The following GLMN variants were observed in gnomAD, a reference collection of about 807,000 sequenced individuals.
GLMN encodes glomulin, FKBP associated protein.
A neutral mutation model predicts 87.8 loss-of-function variants in GLMN; 75 were observed. The ratio of observed to expected loss-of-function variants is 0.85; its 90% CI spans 0.71 to 1.04. GLMN has a LOEUF of 1.04. Among genes scored for constraint, GLMN ranks in the 50% least tolerant of loss-of-function variants. The probability of loss-of-function intolerance (pLI) is 0.00; values close to 1 mark genes in which losing one functional copy is unlikely to be tolerated. For missense variants in GLMN, 588 were observed against 658.8 expected (o/e 0.89, Z 1.18); for synonymous variants, 206 against 221.6 (o/e 0.93, Z 0.63).
At chr1:92,355,791 G>A in the GLMN span, among the ~76,000 whole-genome samples, 1 of 152,136 alleles carries the variant, frequency 6.6e-6, no homozygotes, top group Non-Finnish European at 1.5e-5. Context: ...TCAGATTTTG[G>A]ATTTTTGGAT....
the GLMN span, among the ~76,000 whole-genome samples, chr1:92,312,892 G>A: frequency 1.3e-5 from 2 of 151,686 alleles, no homozygotes; most frequent in Non-Finnish European, 2.9e-5. Context: ...CGCGATCTTG[G>A]CTCACTACAA....
chr1:92,353,677 A>G, the GLMN span, among the ~76,000 whole-genome samples: 1 of 152,146 alleles, frequency 6.6e-6, no homozygotes, highest in Non-Finnish European at 1.5e-5. Context: ...GATATTTACT[A>G]TCCTATCACC....
the GLMN span, among the ~76,000 whole-genome samples, chr1:92,315,745 A>G: frequency 2.0e-5 from 3 of 152,216 alleles, no homozygotes; most frequent in African/African-American, 4.8e-5. Context: ...GGAGTCAGAA[A>G]GGGCCTTGGA....
the GLMN span, among the ~76,000 whole-genome samples, chr1:92,317,383 C>A: frequency 6.6e-6 from 1 of 151,906 alleles, no homozygotes; most frequent in Non-Finnish European, 1.5e-5. Context: ...TGGCGGGTGC[C>A]TGTAATCCCA....
At chr1:92,326,484 T>C in the GLMN span, among the ~76,000 whole-genome samples, 1 of 152,020 alleles carries the variant, frequency 6.6e-6, no homozygotes, top group South Asian at 2.1e-4. Context: ...GTTGTGGTAG[T>C]ATAGGGAGGA....
chr1:92,354,428 A>C, the GLMN span, among the ~76,000 whole-genome samples: 1 of 152,234 alleles, frequency 6.6e-6, no homozygotes, highest in African/African-American at 2.4e-5. Context: ...GATCTGTCAC[A>C]AACAGGAATT....
upstream of GLMN, among the ~76,000 whole-genome samples, chr1:92,303,250 G>A (rs1650986594): frequency 6.6e-6 from 1 of 152,148 alleles, no homozygotes; most frequent in African/African-American, 2.4e-5. Flanking sequence ...AACTGCATCA[G>A]AATCTGCATA....
chr1:92,276,436 C>T (rs1320684984), intron 7 of GLMN, among the ~76,000 whole-genome samples: 2 of 151,506 alleles, frequency 1.3e-5, no homozygotes, highest in East Asian at 2.0e-4. Flanking sequence ...CAAAGGCAGC[C>T]AGATCGCTTG....
the GLMN span, among the ~76,000 whole-genome samples, chr1:92,320,175 A>G: frequency 6.6e-6 from 1 of 152,148 alleles, no homozygotes; most frequent in South Asian, 2.1e-4. Context: ...GGGCTGGTGG[A>G]ATTTGAACTT....
chr1:92,259,983 C>G (rs1401969905), intron 16 of GLMN, among the ~76,000 whole-genome samples: 1 of 152,040 alleles, frequency 6.6e-6, no homozygotes, highest in Non-Finnish European at 1.5e-5. Flanking sequence ...GAACCGCCCG[C>G]CTTGGCCTTC....
the GLMN span, among the ~76,000 whole-genome samples, chr1:92,368,567 T>C: frequency 1.3e-5 from 2 of 152,224 alleles, no homozygotes. Context: ...TTCTGAGGTT[T>C]AGTCAAGAGT....
chr1:92,255,559 T>A (rs769428671), intron 16 of GLMN, among the ~76,000 whole-genome samples: 3 of 152,170 alleles, frequency 2.0e-5, no homozygotes, highest in African/African-American at 4.8e-5. Flanking sequence ...TGTAACAAAC[T>A]GTCTCTTAGA....
At chr1:92,320,631 A>G in the GLMN span, 16 of 1,608,376 alleles carry the variant, frequency 9.9e-6, no homozygotes, top group East Asian at 3.3e-4. Context: ...AAGGAAGAAC[A>G]AAGGTATGGT....
chr1:92,328,768 G>T, the GLMN span, among the ~76,000 whole-genome samples: 137 of 152,202 alleles, frequency 9.0e-4, no homozygotes, highest in African/African-American at 3.1e-3. Flanking sequence ...TTCTCATTTG[G>T]GTAGACTGTG....
At chr1:92,306,835 G>A in the GLMN span, among the ~76,000 whole-genome samples, 5 of 152,202 alleles carry the variant, frequency 3.3e-5, no homozygotes, top group East Asian at 9.6e-4. Context: ...AATGAAGTAA[G>A]ATAAGAATGT....
At chr1:92,291,345 C>A in intron 4 of GLMN, 73 bp downstream of exon 4, 1 of 1,334,664 alleles carries the variant, frequency 7.5e-7, no homozygotes, top group Non-Finnish European at 1.1e-6. Flanking sequence ...TCTTACCAAA[C>A]AATAAACATT....
the GLMN span, among the ~76,000 whole-genome samples, chr1:92,352,205 A>G: frequency 6.6e-6 from 1 of 152,310 alleles, no homozygotes; most frequent in Non-Finnish European, 1.5e-5. Flanking sequence ...CAGAGACCAT[A>G]CAATAGTTTA....
intron 9 of GLMN, among the ~76,000 whole-genome samples, chr1:92,268,425 T>TA (rs1655888840): frequency 6.6e-6 from 1 of 152,216 alleles, no homozygotes; most frequent in Non-Finnish European, 1.5e-5. Context: ...CTAAACCTGA[T>TA]ATAACCAATG....
upstream of GLMN, chr1:92,299,192 C>T (rs1328889627): frequency 1.6e-6 from 2 of 1,236,280 alleles, no homozygotes; most frequent in Non-Finnish European, 2.2e-6. Flanking sequence ...GAAAGCTGGG[C>T]CCCGATCTCG....
Sources: allele counts gnomAD v4.1 joint callset (sites outside exome capture counted in the v4.1 genomes callset), GRCh38; gene constraint gnomAD v4.1.1; transcripts MANE v1.5; gene names NCBI Gene and HGNC (gene_info 2026-07-23, HGNC 2026-07-21).